The following RNF144B variants were observed in gnomAD, a reference collection of about 807,000 sequenced individuals.
RNF144B encodes the protein E3 ubiquitin-protein ligase RNF144B.
RNF144B carries 25 observed loss-of-function variants against 40.2 expected under a neutral mutation model. The ratio of observed to expected loss-of-function variants is 0.62; its 90% CI spans 0.45 to 0.87. The LOEUF is 0.87. Among genes scored for constraint, RNF144B ranks in the 40% least tolerant of loss-of-function variants. The pLI, the probability that RNF144B is intolerant of heterozygous loss-of-function variation, is 0.00. For synonymous variants in RNF144B, 145 were observed against 136.3 expected (o/e 1.06, Z -0.44); for missense variants, 365 against 373.7 (o/e 0.98, Z 0.19).
At chr6:18,463,823 G>C (rs1759520104) in intron 7 of RNF144B, among the ~76,000 whole-genome samples, 1 of 152,198 alleles carries the variant, frequency 6.6e-6, no homozygotes, top group Admixed American at 6.5e-5. Flanking sequence ...GGCTGGGGAG[G>C]CCTCACAATC....
Position 18,405,919 on chromosome 6 carries a change from C to G in RNF144B, c.165+6220C>G, listed in dbSNP as rs185861536. Among the ~76,000 whole-genome samples, 2 of 152,300 alleles carry G rather than the reference C, an allele frequency of 1.3e-5. No homozygotes were observed. Among genetic ancestry groups the G allele is most frequent in the Admixed American group, 1.3e-4 (2 of 15,290 alleles). On this transcript the variant is annotated intron_variant, in intron 2 of 7. Transcript: ENST00000259939. The surrounding 1 kb of genome is among the most constrained non-coding windows in gnomAD (Gnocchi z 4.5). Reference sequence around the variant, plus strand: ...GGCCCTAATGTCTTTGTCATAGCATCATAGTCCTAGAATTGTAAGTGACCT... The same window carrying G: ...GGCCCTAATGTCTTTGTCATAGCATGATAGTCCTAGAATTGTAAGTGACCT...
At chr6:18,403,944 G>A (rs934270828) in intron 2 of RNF144B, among the ~76,000 whole-genome samples, 3 of 152,112 alleles carry the variant, frequency 2.0e-5, no homozygotes, top group Non-Finnish European at 2.9e-5. Flanking sequence ...ATTCATTCCC[G>A]CAAGAACTAA....
At chr6:18,430,258 C>T (rs12196859) in intron 3 of RNF144B, among the ~76,000 whole-genome samples, 18,277 of 152,120 alleles carry the variant, frequency 0.12, 1,315 homozygotes, top group Admixed American at 0.19. Context: ...GTTACCAGAC[C>T]GGACAGCACA....
chr6:18,463,648 G>A (rs1221756349), intron 7 of RNF144B, among the ~76,000 whole-genome samples: 1 of 152,234 alleles, frequency 6.6e-6, no homozygotes, highest in African/African-American at 2.4e-5. Context: ...GCAGGCAGAT[G>A]TTCTTTCCTC....
At chr6:18,396,652 G>C (rs1322913789) in intron 1 of RNF144B, 97 of 985,180 alleles carry the variant, frequency 9.8e-5, no homozygotes, top group Middle Eastern at 5.2e-4. Context: ...GATTTCTCTT[G>C]AAAGAAAGAT....
At chr6:18,462,995 C>T (rs193079819) in intron 6 of RNF144B, among the ~76,000 whole-genome samples, 1 of 152,140 alleles carries the variant, frequency 6.6e-6, no homozygotes, top group South Asian at 2.1e-4. Flanking sequence ...CTGGTCTTCC[C>T]ATTCCATTGT....
In RNF144B at chr6:18,459,573, G is replaced by C; in HGVS notation, c.537-34G>C. On this transcript the variant is annotated intron_variant, in intron 5 of 7. Coordinates refer to ENST00000259939, the MANE Select transcript of RNF144B (RefSeq NM_182757.4). The surrounding 1 kb of genome is among the most constrained non-coding windows in gnomAD (Gnocchi z 4.2). ...CTGGGAATTCAACTGATGACCATCA[G>C]CTGAATGCCATTTCTCATCCATTTT... is the stretch of plus-strand genomic sequence containing the variant. 6.2e-7 allele frequency: 1 copy of C among 1,606,646 alleles called. No homozygotes were observed. Among genetic ancestry groups the C allele is most frequent in the Non-Finnish European group, 8.5e-7 (1 of 1,174,840 alleles).
intron 4 of RNF144B, among the ~76,000 whole-genome samples, chr6:18,453,285 C>CCA (rs1309458981): frequency 6.6e-6 from 1 of 151,260 alleles, no homozygotes; most frequent in Non-Finnish European, 1.5e-5. Context: ...ATCACAGGCG[C>CCA]CCACCACCAC....
intron 2 of RNF144B, among the ~76,000 whole-genome samples, chr6:18,401,073 A>G (rs1794794131): frequency 6.6e-6 from 1 of 152,258 alleles, no homozygotes; most frequent in Non-Finnish European, 1.5e-5. Flanking sequence ...CCTTGAAACA[A>G]ATGAGTCAGA....
rs1676820114 is a variant in RNF144B at position 18,441,892 on chromosome 6, GT to G, written c.331+2150del. Among the ~76,000 whole-genome samples, 1 of 152,160 alleles carries G rather than the reference GT, an allele frequency of 6.6e-6. No individual in the cohort carries two copies. Among genetic ancestry groups the G allele is most frequent in the African/African-American group, 2.4e-5 (1 of 41,444 alleles). ...TGTCTCAGTGTTCAAAATTTTAACA[GT>G]TGGCAATAAAAATAACTTAAAAGTA... is the stretch of plus-strand genomic sequence containing the variant. On this transcript the variant is annotated intron_variant, in intron 4 of 7. Coordinates refer to ENST00000259939, the MANE Select transcript of RNF144B (RefSeq NM_182757.4). The surrounding 1 kb of genome is among the most constrained non-coding windows in gnomAD (Gnocchi z 4.9).
At chr6:18,462,368 T>C (rs1277256158) in intron 6 of RNF144B, among the ~76,000 whole-genome samples, 2 of 152,190 alleles carry the variant, frequency 1.3e-5, no homozygotes, top group Non-Finnish European at 2.9e-5. Context: ...CTTGACCACT[T>C]CCATTTCAGT....
Position 18,418,954 on chromosome 6 carries a change from A to G in RNF144B, c.166-8627A>G, listed in dbSNP as rs967239122. 6.6e-6 allele frequency among the ~76,000 whole-genome samples: 1 copy of G among 152,112 alleles called. No individual in the cohort carries two copies. Among genetic ancestry groups the G allele is most frequent in the Non-Finnish European group, 1.5e-5 (1 of 68,028 alleles). Reference sequence around the variant, plus strand: ...TTCTATTAAAAAGCTGATGTGGAGAATCTTTGACATGGGTCTTGGTACTTA... The same window carrying G: ...TTCTATTAAAAAGCTGATGTGGAGAGTCTTTGACATGGGTCTTGGTACTTA... On this transcript the variant is annotated intron_variant, in intron 2 of 7. Coordinates refer to ENST00000259939, the MANE Select transcript of RNF144B (RefSeq NM_182757.4). The surrounding 1 kb of genome is among the most constrained non-coding windows in gnomAD (Gnocchi z 5.2).
rs531976126 is a variant in RNF144B at position 18,436,281 on chromosome 6, A to G, written c.271-3403A>G. On this transcript the variant is annotated intron_variant, in intron 3 of 7. Transcript: ENST00000259939. ...CACAAAAGGCAAAGATAAATTGAAG[A>G]ACTGTCCCAGATTGGAACGTCAAGG... Among the ~76,000 whole-genome samples, 332 of 152,332 alleles carry G rather than the reference A, an allele frequency of 2.2e-3. 4 individuals carry two copies. The highest frequency in any genetic ancestry group is 7.4e-3 in the African/African-American group (307 of 41,570).
At chr6:18,411,478 TATATATATATATATATATA>T (rs1481301861) in intron 2 of RNF144B, among the ~76,000 whole-genome samples, 2 of 42,308 alleles carry the variant, frequency 4.7e-5, no homozygotes, top group African/African-American at 1.7e-4. Context: ...TATATATATA[TATATATATATATATATATA>T]TTTTTTTTTT....
At chr6:18,399,421 AG>A in intron 1 of RNF144B, 77 bp from the exon 2 acceptor site, 1 of 1,006,464 alleles carries the variant, frequency 9.9e-7, no homozygotes, top group East Asian at 2.6e-5. Flanking sequence ...GAATTTGATC[AG>A]CTGGCCTCCA....
At position 18,448,398 on chromosome 6, in the gene RNF144B, C is replaced by G. The variant is rs534497798; in HGVS notation, c.331+8654C>G. Among the ~76,000 whole-genome samples, 33 of 152,132 alleles carry G rather than the reference C, an allele frequency of 2.2e-4. No homozygotes were observed. The highest frequency in any genetic ancestry group is 7.7e-4 in the African/African-American group (32 of 41,488). On this transcript the variant is annotated intron_variant, in intron 4 of 7. Transcript: ENST00000259939. The surrounding 1 kb of genome is among the most constrained non-coding windows in gnomAD (Gnocchi z 4.0). ...TAGATTGGTCTGCATGGGTTCTCTTCTAGTTGCTTGCTTCCTAGGTGCAAT... is the reference window on the plus strand; with the variant it reads ...TAGATTGGTCTGCATGGGTTCTCTTGTAGTTGCTTGCTTCCTAGGTGCAAT...
rs1582450297 is a variant in RNF144B at position 18,460,812 on chromosome 6, G to T, written c.681+1061G>T. On this transcript the variant is annotated intron_variant, in intron 6 of 7. Transcript: ENST00000259939. This position sits in a 1 kb window ranked among gnomAD's most constrained non-coding sequence, Gnocchi z 4.4. ...GTAACTTCAGAGTTAAAAATGCGAT[G>T]CAAAGAGTTGGTGAGAAGGTCTTAC... 6.6e-6 allele frequency among the ~76,000 whole-genome samples: 1 copy of T among 152,192 alleles called. No individual in the cohort carries two copies. Among genetic ancestry groups the T allele is most frequent in the African/African-American group, 2.4e-5 (1 of 41,442 alleles).
chr6:18,452,279 G>A (rs552074466), intron 4 of RNF144B, among the ~76,000 whole-genome samples: 13 of 152,250 alleles, frequency 8.5e-5, no homozygotes, highest in African/African-American at 2.6e-4. Flanking sequence ...CTTGCCTACC[G>A]TCAGAGAGGC....
chr6:18,405,961 C>A lies in RNF144B; in HGVS notation c.165+6262C>A. The stretch of plus-strand genomic sequence containing the variant: ...AAGTGACCTTAGATCTTCTAGTTCC[C>A]CCACCCTCCTAATGAAAGAAGTCAT... On this transcript the variant is annotated intron_variant, in intron 2 of 7. Coordinates refer to ENST00000259939, the MANE Select transcript of RNF144B (RefSeq NM_182757.4). This position sits in a 1 kb window ranked among gnomAD's most constrained non-coding sequence, Gnocchi z 4.5. The A allele has an allele frequency of 2.0e-6, 1 of 495,252 alleles. No individual in the cohort carries two copies. The highest frequency in any genetic ancestry group is 4.0e-6 in the Non-Finnish European group (1 of 247,700). 30.7% of individuals were successfully genotyped at this position (495,252 alleles called of 1,614,324 possible).
Sources: gnomAD v4.1 joint callset for allele counts (sites outside exome capture counted in the v4.1 genomes callset) on GRCh38, gnomAD v4.1.1 for gene constraint, Gnocchi (gnomAD v3.1) non-coding constraint, MANE v1.5 for transcripts, NCBI Gene and HGNC (gene_info 2026-07-23, HGNC 2026-07-21) for gene names.